Variants in CDH12 observed in about 807,000 individuals in gnomAD.
CDH12 encodes cadherin 12.
Under a neutral mutation model 74.1 loss-of-function variants are expected in CDH12, and 41 were observed. The observed-to-expected ratio is 0.55, with a 90% CI of 0.43 to 0.72. The LOEUF (loss-of-function observed/expected upper bound fraction) is 0.72. Ranked by LOEUF, CDH12 falls within the 30% of genes least tolerant of loss-of-function variation. CDH12 has a pLI of 0.00. For synonymous variants in CDH12, 399 were observed against 355.0 expected, an observed-to-expected ratio of 1.12 and a Z score of -1.39; for missense variants, 945 against 977.2, an observed-to-expected ratio of 0.97 and a Z score of 0.44.
chr5:22,802,178 G>C (rs920256135), intron 1 of CDH12, among the ~76,000 whole-genome samples: 8 of 145,650 alleles, frequency 5.5e-5, no homozygotes, highest in Non-Finnish European at 1.0e-4. Context: ...CTGGAGTGCA[G>C]TGGCACGATC....
In CDH12 at chr5:22,495,471, C is replaced by A. The variant is rs146101538; in HGVS notation, c.-428+9799G>T. Among the ~76,000 whole-genome samples, 329 of 152,164 alleles carry A rather than the reference C, an allele frequency of 2.2e-3. 2 individuals are homozygous for A. The highest frequency in any genetic ancestry group is 7.7e-3 in the African/African-American group (319 of 41,520). ...GTTCTTTACACATGATTTATTGTAT[C>A]CAAGGACCTTATGTCTGTCAAGAGT... On this transcript the variant is annotated intron_variant, in intron 2 of 14. Transcript: ENST00000382254.
chr5:22,709,498 T>A (rs1373074320), intron 1 of CDH12, among the ~76,000 whole-genome samples: 1 of 152,200 alleles, frequency 6.6e-6, no homozygotes, highest in African/African-American at 2.4e-5. Flanking sequence ...CCAGTATAAC[T>A]GTACAGTTAA....
chr5:22,639,434 T>TC (rs200304719), intron 1 of CDH12, among the ~76,000 whole-genome samples: 2 of 36,148 alleles, frequency 5.5e-5, no homozygotes, highest in East Asian at 9.3e-4. Flanking sequence ...TTCTTCTTCT[T>TC]TTTTTTTTTT....
chr5:22,489,569 G>A (rs1746775388), intron 2 of CDH12, among the ~76,000 whole-genome samples: 1 of 151,572 alleles, frequency 6.6e-6, no homozygotes, highest in Non-Finnish European at 1.5e-5. Flanking sequence ...ATCTCAAGGA[G>A]TTTAAGTTTT....
At chr5:21,823,071 T>A (rs111568667) in intron 8 of CDH12, among the ~76,000 whole-genome samples, 1,583 of 152,198 alleles carry the variant, frequency 0.01, 20 homozygotes, top group African/African-American at 0.036. Flanking sequence ...GTCTCCTTCA[T>A]GGAATGACAA....
intron 1 of CDH12, among the ~76,000 whole-genome samples, chr5:22,509,681 G>A (rs1022971405): frequency 6.6e-6 from 1 of 152,132 alleles, no homozygotes. Context: ...AGAATGAGTA[G>A]TCCCATCATG....
intron 6 of CDH12, among the ~76,000 whole-genome samples, chr5:21,865,431 C>T (rs950474048): frequency 6.6e-6 from 1 of 152,134 alleles, no homozygotes; most frequent in African/African-American, 2.4e-5. Context: ...GGTTGAAGGA[C>T]TCAGAAGGCA....
intron 6 of CDH12, among the ~76,000 whole-genome samples, chr5:21,905,552 ACCAGGCTCTGG>A (rs1015633935): frequency 2.0e-5 from 3 of 152,206 alleles, no homozygotes; most frequent in African/African-American, 7.2e-5. Context: ...GACTACAATT[ACCAGGCTCTGG>A]CCACCTATTG....
intron 1 of CDH12, among the ~76,000 whole-genome samples, chr5:22,666,390 C>T (rs909888739): frequency 1.3e-5 from 2 of 149,936 alleles, no homozygotes; most frequent in Non-Finnish European, 3.0e-5. Context: ...CCCGGGTTCA[C>T]GCCATTCTCC....
chr5:22,325,235 TTTGATTACACTAAAA>T (rs1739036111), intron 3 of CDH12, among the ~76,000 whole-genome samples: 1 of 152,200 alleles, frequency 6.6e-6, no homozygotes, highest in African/African-American at 2.4e-5. Context: ...ACAAGCTTCC[TTTGATTACACTAAAA>T]TCTATATTCA....
At chr5:21,842,130 T>C (rs1419980581) in intron 8 of CDH12, 31 bp downstream of exon 8, 4 of 1,554,650 alleles carry the variant, frequency 2.6e-6, no homozygotes, top group Non-Finnish European at 3.5e-6. Flanking sequence ...TAAACCGCAA[T>C]AATTTAGGCT....
chr5:22,539,464 T>C (rs1738001061), intron 1 of CDH12, among the ~76,000 whole-genome samples: 1 of 152,196 alleles, frequency 6.6e-6, no homozygotes, highest in Admixed American at 6.5e-5. Flanking sequence ...AATGGGTGAA[T>C]AAAGGATTGA....
chr5:22,767,591 C>A (rs1746584011), intron 1 of CDH12, among the ~76,000 whole-genome samples: 1 of 151,652 alleles, frequency 6.6e-6, no homozygotes, highest in East Asian at 1.9e-4. Context: ...ATCAACAGGG[C>A]TTATGGTAGC....
At chr5:22,374,674 T>A (rs2126357466) in intron 3 of CDH12, among the ~76,000 whole-genome samples, 1 of 151,962 alleles carries the variant, frequency 6.6e-6, no homozygotes, top group South Asian at 2.1e-4. Context: ...ATGAACTACC[T>A]GGGAAAGAAA....
At chr5:22,543,920 A>G (rs1462798410) in intron 1 of CDH12, among the ~76,000 whole-genome samples, 1 of 151,900 alleles carries the variant, frequency 6.6e-6, no homozygotes, top group Non-Finnish European at 1.5e-5. Flanking sequence ...TTTTTTCACA[A>G]GTAGCTCCTG....
intron 3 of CDH12, among the ~76,000 whole-genome samples, chr5:22,273,109 C>T (rs181907405): frequency 1.5e-4 from 23 of 152,242 alleles, no homozygotes; most frequent in African/African-American, 4.8e-4. Context: ...GTGGGGATTA[C>T]AATTGGATTG....
intron 3 of CDH12, among the ~76,000 whole-genome samples, chr5:22,293,981 C>T (rs1204668730): frequency 6.6e-6 from 1 of 151,890 alleles, no homozygotes; most frequent in East Asian, 1.9e-4. Flanking sequence ...GTGTTCTCAG[C>T]ACAAAAACAA....
intron 4 of CDH12, among the ~76,000 whole-genome samples, chr5:22,205,490 T>C (rs1439153749): frequency 8.5e-5 from 13 of 152,182 alleles, no homozygotes. Context: ...ATGATGGTAA[T>C]ATAAATTATC....
At chr5:22,607,577 A>T (rs181464761) in intron 1 of CDH12, among the ~76,000 whole-genome samples, 255 of 152,240 alleles carry the variant, frequency 1.7e-3, no homozygotes, top group Middle Eastern at 0.01. Context: ...TGATTCAATT[A>T]CCTCCCCATG....
Sources: allele counts gnomAD v4.1 joint callset (sites outside exome capture counted in the v4.1 genomes callset), GRCh38; gene constraint gnomAD v4.1.1; transcripts MANE v1.5; gene names NCBI Gene and HGNC (gene_info 2026-07-23, HGNC 2026-07-21).